The following CNTRL variants were observed in gnomAD, a reference collection of about 807,000 sequenced individuals.
CNTRL encodes 110 kDa centrosomal protein.
In CNTRL, 233 loss-of-function variants were observed where a neutral mutation model predicts 303.7. That is an observed-to-expected ratio of 0.77 (90% CI 0.69 to 0.86). The LOEUF (loss-of-function observed/expected upper bound fraction) is 0.86. Ranked by LOEUF, CNTRL falls within the 40% of genes least tolerant of loss-of-function variation. CNTRL has a pLI of 0.00. For missense variants in CNTRL, 2,524 were observed against 2,650.6 expected (o/e 0.95, Z 1.05); for synonymous variants, 900 against 922.2 (o/e 0.98, Z 0.44).
chr9:121,143,969 A>C lies in CNTRL; in HGVS notation c.2938A>C (p.Lys980Gln). 1 of 1,613,810 alleles carries C rather than the reference A, an allele frequency of 6.2e-7. No individual in the cohort carries two copies. Among genetic ancestry groups the C allele is most frequent in the South Asian group, 1.1e-5 (1 of 91,038 alleles). Reference protein sequence around the residue: ...FGLDKELKKLKKAVATSDKLA... With the variant: ...FGLDKELKKLQKAVATSDKLA... ...TTTAGATAAAGAACTGAAGAAACTA[A>C]AGAAAGCCGTGGCCACCTCTGATAA... Residue 980 changes from lysine to glutamine, a missense_variant, in exon 20 of 44, where the codon AAG becomes CAG. Coordinates refer to ENST00000373855, the MANE Select transcript of CNTRL (RefSeq NM_007018.6).
intron 4 of CNTRL, 114 bp from the exon 5 acceptor site, chr9:121,094,774 G>C: frequency 1.4e-6 from 1 of 710,156 alleles, no homozygotes. Context: ...GAGCAGTAAG[G>C]GTATATTATT....
At chr9:121,124,330 A>G (rs186300776) in intron 13 of CNTRL, among the ~76,000 whole-genome samples, 62 of 152,336 alleles carry the variant, frequency 4.1e-4, no homozygotes, top group Non-Finnish European at 2.9e-5. Context: ...CCAGAAGTCA[A>G]TACGTGATCA....
chr9:121,091,931 TAG>T (rs2048592817), intron 4 of CNTRL, among the ~76,000 whole-genome samples: 1 of 142,452 alleles, frequency 7.0e-6, no homozygotes, highest in African/African-American at 2.6e-5. Context: ...CTCTGTCATC[TAG>T]GCCGATGCCC....
At chr9:121,102,477 A>G (rs2049227230) in intron 7 of CNTRL, among the ~76,000 whole-genome samples, 1 of 152,210 alleles carries the variant, frequency 6.6e-6, no homozygotes, top group South Asian at 2.1e-4. Flanking sequence ...ATTCCCTTTG[A>G]AAACTGGCAC....
intron 14 of CNTRL, among the ~76,000 whole-genome samples, chr9:121,126,890 C>T (rs903878658): frequency 2.0e-5 from 3 of 151,860 alleles, no homozygotes; most frequent in East Asian, 3.9e-4. Flanking sequence ...GGCGCAATCT[C>T]GGCTCACTGC....
Position 121,094,956 on chromosome 9 carries a change from G to T in CNTRL, c.417G>T (p.Lys139Asn). Reference protein sequence around the residue: ...VLNLSYNLIGKIEKLDKLLKL... With the variant: ...VLNLSYNLIGNIEKLDKLLKL... The stretch of plus-strand genomic sequence containing the variant: ...ATCTCAGCTATAATCTAATAGGGAA[G>T]ATTGAAAAGTTGGACAAGCTGTTAA... Residue 139 changes from lysine to asparagine, a missense_variant, in exon 5 of 44, where the codon AAG becomes AAT. Lys to Asn is a moderately conservative substitution (Grantham distance 94, BLOSUM62 0). Transcript: ENST00000373855. 1 of 1,603,804 alleles carries T rather than the reference G, an allele frequency of 6.2e-7. No homozygotes were observed. The highest frequency in any genetic ancestry group is 8.5e-7 in the Non-Finnish European group (1 of 1,172,922).
chr9:121,155,914 A>G (rs1344029126), intron 27 of CNTRL, among the ~76,000 whole-genome samples: 1 of 152,304 alleles, frequency 6.6e-6, no homozygotes, highest in South Asian at 2.1e-4. Context: ...GTATTTTGCT[A>G]TTTCAACATG....
intron 9 of CNTRL, 65 bp downstream of exon 9, chr9:121,112,643 C>T: frequency 2.6e-6 from 4 of 1,517,130 alleles, no homozygotes; most frequent in Non-Finnish European, 3.6e-6. Context: ...TGGGGGAGGG[C>T]AGGTGGTGAG....
chr9:121,079,794 T>A (rs10739586), intron 1 of CNTRL, among the ~76,000 whole-genome samples: 90,858 of 152,068 alleles, frequency 0.6, 29,384 homozygotes, highest in South Asian at 0.89. Context: ...ACTACTCACC[T>A]TGAGAGACCG....
intron 7 of CNTRL, among the ~76,000 whole-genome samples, chr9:121,103,638 G>A (rs9696618): frequency 0.51 from 77,791 of 151,990 alleles, 21,868 homozygotes; most frequent in South Asian, 0.8. Flanking sequence ...GAAAATTTTT[G>A]CAATGCACCC....
chr9:121,122,246 T>C (rs1376527217), intron 12 of CNTRL: 6 of 248,664 alleles, frequency 2.4e-5, no homozygotes. Flanking sequence ...TTACTTAGAA[T>C]GTAAGCTGTT....
chr9:121,163,332 T>A (rs867597450), intron 34 of CNTRL, among the ~76,000 whole-genome samples: 319 of 145,198 alleles, frequency 2.2e-3, no homozygotes, highest in Middle Eastern at 7.4e-3. Flanking sequence ...AAAAAAAATA[T>A]ATATATATAT....
intron 39 of CNTRL, among the ~76,000 whole-genome samples, chr9:121,170,504 G>A (rs1265514802): frequency 2.0e-5 from 3 of 151,438 alleles, no homozygotes; most frequent in Non-Finnish European, 4.4e-5. Context: ...CGCCCAGTCT[G>A]GAGTGCAGTG....
At chr9:121,108,120 G>A in intron 8 of CNTRL, 125 bp downstream of exon 8, 1 of 603,000 alleles carries the variant, frequency 1.7e-6, no homozygotes, top group Non-Finnish European at 2.8e-6. Flanking sequence ...AGAAATATGT[G>A]GAAAGGCTTA....
At chr9:121,140,821 G>A in intron 17 of CNTRL, 35 bp downstream of exon 17, 2 of 1,590,348 alleles carry the variant, frequency 1.3e-6, no homozygotes. Flanking sequence ...GTCTAGAGTG[G>A]GCCTCACAAC....
intron 1 of CNTRL, among the ~76,000 whole-genome samples, chr9:121,075,818 A>G (rs1041645020): frequency 2.0e-5 from 3 of 152,202 alleles, no homozygotes; most frequent in Non-Finnish European, 2.9e-5. Flanking sequence ...TATCATCCCC[A>G]TTTAAAAAGT....
At chr9:121,077,037 G>C (rs888280880) in intron 1 of CNTRL, among the ~76,000 whole-genome samples, 1 of 152,064 alleles carries the variant, frequency 6.6e-6, no homozygotes, top group Non-Finnish European at 1.5e-5. Flanking sequence ...GCTGGATGGA[G>C]GTGGAGTTTG....
At chr9:121,162,613 A>G (rs1333772648) in intron 34 of CNTRL, among the ~76,000 whole-genome samples, 3 of 152,218 alleles carry the variant, frequency 2.0e-5, no homozygotes, top group African/African-American at 7.2e-5. Flanking sequence ...TTAACAATTA[A>G]AATCTCAATA....
intron 42 of CNTRL, 34 bp from the exon 43 acceptor site, chr9:121,174,984 T>C (rs984103437): frequency 6.3e-7 from 1 of 1,590,378 alleles, no homozygotes; most frequent in Non-Finnish European, 8.6e-7. Context: ...ACATTTCTTC[T>C]GTGTAAAACC....
Sources: gnomAD v4.1 joint callset for allele counts (sites outside exome capture counted in the v4.1 genomes callset) on GRCh38, gnomAD v4.1.1 for gene constraint, MANE v1.5 for transcripts, NCBI Gene and HGNC (gene_info 2026-07-23, HGNC 2026-07-21) for gene names.